TRPM8: variants seen among roughly 807,000 people sequenced by gnomAD.
The protein encoded by TRPM8 is transient receptor potential cation channel subfamily M member 8.
A neutral mutation model predicts 133.7 loss-of-function variants in TRPM8; 110 were observed. The ratio of observed to expected loss-of-function variants is 0.82; its 90% CI spans 0.70 to 0.96. TRPM8 has a LOEUF of 0.96. Ranked by LOEUF, TRPM8 falls within the 40% of genes least tolerant of loss-of-function variation. TRPM8 has a pLI of 0.00. For missense variants in TRPM8, 1,291 were observed against 1,379.5 expected (o/e 0.94, Z 1.02); for synonymous variants, 535 against 532.3 (o/e 1.01, Z -0.07).
chr2:233,990,761 C>A (rs1692256246), intron 21 of TRPM8, among the ~76,000 whole-genome samples: 1 of 152,128 alleles, frequency 6.6e-6, no homozygotes, highest in Non-Finnish European at 1.5e-5. Context: ...ATCAATTTGA[C>A]AAGTTTCTTG....
In TRPM8 at chr2:233,930,737, G is replaced by A. The variant is rs919281308; in HGVS notation, c.187G>A (p.Ala63Thr). 1 of 1,602,536 alleles carries A rather than the reference G, an allele frequency of 6.2e-7. No homozygotes were observed. Among genetic ancestry groups the A allele is most frequent in the Admixed American group, 1.7e-5 (1 of 59,228 alleles). ...TGTCTTCTTTACCAAAGATTCCAAG[G>A]CCACGTAAGCTACTATTTTCCCTCC... ...ECVFFTKDSK[A>T]TENVCKCGYA... is the part of the protein sequence containing the mutation. The change falls in exon 3 of 26, where the codon GCC becomes ACC. Residue 63 changes from alanine to threonine, a missense_variant. Transcript: ENST00000324695.
chr2:233,966,679 C>A lies in TRPM8; in HGVS notation c.1949C>A (p.Ala650Asp). ...AEQLLVYSCE[A>D]WGGSNCLELA... ...CAGCTGCTGGTCTATTCCTGTGAAG[C>A]TTGGGGTGGAAGCAACTGTCTGGAG... is the stretch of plus-strand genomic sequence containing the variant. Residue 650 changes from alanine to aspartate, a missense_variant, in exon 15 of 26, where the codon GCT (alanine) becomes GAT (aspartate). Ala to Asp is a moderately radical substitution (Grantham distance 126). This residue lies in a region of TRPM8 where 963 missense variants were observed against 968.9 expected (regional missense o/e 0.99). Transcript: ENST00000324695. 6.2e-7 allele frequency: 1 copy of A among 1,613,872 alleles called. No individual in the cohort carries two copies. Among genetic ancestry groups the A allele is most frequent in the Non-Finnish European group, 8.5e-7 (1 of 1,179,894 alleles).
chr2:233,965,055 G>C (rs113417355), intron 14 of TRPM8, among the ~76,000 whole-genome samples: 538 of 14,286 alleles, frequency 0.038, 7 homozygotes, highest in African/African-American at 0.32. Context: ...TTTTTTTGTG[G>C]GGGGGGGGGG....
rs1691226919 is a variant in TRPM8, at chr2:233,953,823, G to A, written c.1141-94G>A. ...CTGATCCGGAACTCCACTACAGGTGGTCTTTTTAAAAAGATCTCTCACAAA... is the reference window on the plus strand; with the variant it reads ...CTGATCCGGAACTCCACTACAGGTGATCTTTTTAAAAAGATCTCTCACAAA... On this transcript the variant is annotated intron_variant, in intron 9 of 25. Transcript: ENST00000324695. The A allele has an allele frequency of 2.7e-5, 23 of 848,292 alleles. No individual in the cohort carries two copies. The South Asian group carries it at 3.9e-4, about 14-fold the overall frequency. 52.5% of individuals were successfully genotyped at this position (848,292 alleles called of 1,614,324 possible). A position where few individuals can be genotyped will look rare whatever the true frequency, so the allele number is the denominator to read the frequency against.
In TRPM8 at chr2:233,946,044, A is replaced by G; in HGVS notation, c.874+14A>G. On this transcript the variant is annotated intron_variant, in intron 7 of 25. Coordinates refer to ENST00000324695, the MANE Select transcript of TRPM8 (RefSeq NM_024080.5). Reference sequence around the variant, plus strand: ...GCACTATTCAAGGTCAGTGGTTAGGAGGTAGGACACTAGAAGTGTACAATA... The same window carrying G: ...GCACTATTCAAGGTCAGTGGTTAGGGGGTAGGACACTAGAAGTGTACAATA... The G allele has an allele frequency of 6.2e-7, 1 of 1,612,694 alleles. No homozygotes were observed. The highest frequency in any genetic ancestry group is 8.5e-7 in the Non-Finnish European group (1 of 1,179,000).
intron 22 of TRPM8, among the ~76,000 whole-genome samples, chr2:233,996,866 C>T (rs1275923560): frequency 1.3e-5 from 2 of 152,200 alleles, no homozygotes; most frequent in East Asian, 3.8e-4. Flanking sequence ...AATTTATTCT[C>T]TAGGAACCTT....
At chr2:233,982,668 A>G (rs1397468785) in intron 19 of TRPM8, among the ~76,000 whole-genome samples, 1 of 152,242 alleles carries the variant, frequency 6.6e-6, no homozygotes, top group Non-Finnish European at 1.5e-5. Context: ...ACAAGCAAAT[A>G]AACCAACAAA....
At chr2:233,918,151 A>G (rs764015099) in intron 1 of TRPM8, among the ~76,000 whole-genome samples, 50 of 152,132 alleles carry the variant, frequency 3.3e-4, no homozygotes, top group Admixed American at 5.9e-4. Flanking sequence ...AGACTATTCT[A>G]TATGTGCTAA....
chr2:233,998,037 G>A (rs1264850575), intron 22 of TRPM8, among the ~76,000 whole-genome samples: 1 of 152,106 alleles, frequency 6.6e-6, no homozygotes, highest in African/African-American at 2.4e-5. Flanking sequence ...GGAGGAAGGG[G>A]CCTGTTTTTA....
chr2:233,998,558 T>A (rs1692467143), intron 22 of TRPM8, among the ~76,000 whole-genome samples: 1 of 151,544 alleles, frequency 6.6e-6, no homozygotes. Flanking sequence ...CCCAGCTAGT[T>A]AGGGTGAGCT....
At chr2:233,981,427 C>T (rs190502417) in intron 18 of TRPM8, among the ~76,000 whole-genome samples, 3 of 152,068 alleles carry the variant, frequency 2.0e-5, no homozygotes, top group African/African-American at 7.2e-5. Flanking sequence ...TGGGGGTGGG[C>T]TGGGGGTTGG....
intron 8 of TRPM8, among the ~76,000 whole-genome samples, chr2:233,949,227 T>C (rs760787775): frequency 5.3e-5 from 8 of 152,154 alleles, no homozygotes; most frequent in Non-Finnish European, 1.0e-4. Flanking sequence ...TCTGGCTTCC[T>C]GGGTGATGTC....
chr2:234,009,521 G>T (rs1476684005), intron 24 of TRPM8, among the ~76,000 whole-genome samples: 3 of 152,138 alleles, frequency 2.0e-5, no homozygotes, highest in African/African-American at 7.2e-5. Flanking sequence ...AGAGGCGGTA[G>T]AATTGTGGAT....
intron 21 of TRPM8, among the ~76,000 whole-genome samples, chr2:233,994,730 C>T (rs1692362681): frequency 6.6e-6 from 1 of 152,072 alleles, no homozygotes; most frequent in East Asian, 1.9e-4. Context: ...ATGTAATGTA[C>T]TAAGGTGCAA....
Position 234,008,101 on chromosome 2 carries a change from A to G in TRPM8, c.3262A>G (p.Lys1088Glu), listed in dbSNP as rs1434138906. The G allele has an allele frequency of 6.2e-7, 1 of 1,602,734 alleles. No individual in the cohort carries two copies. The highest frequency in any genetic ancestry group is 1.7e-5 in the Admixed American group (1 of 57,486). Residue 1088 changes from lysine (K) to glutamate (E), a missense_variant and splice_region_variant, in exon 24 of 26, where the codon AAG (lysine) becomes GAG (glutamate). Coordinates refer to ENST00000324695, the MANE Select transcript of TRPM8 (RefSeq NM_024080.5). ...GCATCGATTTAGACAACTGGATACA[A>G]AGGTATGGTTCTGTTAATAGTTTGG... is the stretch of plus-strand genomic sequence containing the variant. ...MRHRFRQLDT[K>E]LNDLKGLLKE...
At chr2:233,992,649 A>G (rs1692307524) in intron 21 of TRPM8, among the ~76,000 whole-genome samples, 1 of 152,166 alleles carries the variant, frequency 6.6e-6, no homozygotes, top group African/African-American at 2.4e-5. Context: ...CCAGCCAGCT[A>G]GGTGTTTGCC....
Position 233,964,607 on chromosome 2 carries a change from AT to A in TRPM8, c.1750-19del. 6.7e-7 allele frequency: 1 copy of A among 1,501,700 alleles called. No individual in the cohort carries two copies. The highest frequency in any genetic ancestry group is 8.9e-7 in the Non-Finnish European group (1 of 1,121,582). The allele number at this position is 1,501,700 out of a possible 1,614,324, so 93.0% of individuals were successfully genotyped here. The stretch of plus-strand genomic sequence containing the variant: ...AGGAAAAAAAAGAATTAACCTTAAA[AT>A]TCTTCACCCCCCTAAAAAGACCAGG... On this transcript the variant is annotated intron_variant, in intron 13 of 25. Coordinates refer to ENST00000324695, the MANE Select transcript of TRPM8 (RefSeq NM_024080.5).
chr2:233,953,137 T>A (rs1257313936), intron 9 of TRPM8, among the ~76,000 whole-genome samples: 3 of 152,230 alleles, frequency 2.0e-5, no homozygotes, highest in Non-Finnish European at 4.4e-5. Context: ...CCCAGGCAGC[T>A]GCAGCCTCAA....
At position 233,945,855 on chromosome 2, in the gene TRPM8, G is replaced by T; in HGVS notation, c.700-1G>T. The T allele has an allele frequency of 1.9e-6, 3 of 1,609,148 alleles. No homozygotes were observed. The highest frequency in any genetic ancestry group is 1.7e-6 in the Non-Finnish European group (2 of 1,176,178). On this transcript the variant is annotated splice_acceptor_variant, in intron 6 of 25. Transcript: ENST00000324695. LOFTEE classifies it high-confidence loss of function. ...AAGACAAGTTTCCCTGTACTTTTCA[G>T]GGCTATTTTTTAGCCCAGTACCTTA...
Sources: gnomAD v4.1 joint callset for allele counts (sites outside exome capture counted in the v4.1 genomes callset) on GRCh38, gnomAD v4.1.1 for gene constraint, gnomAD v4.1.1 regional missense constraint, MANE v1.5 for transcripts, NCBI Gene and HGNC (gene_info 2026-07-23, HGNC 2026-07-21) for gene names.